Variants in TARS1 observed in about 807,000 individuals in gnomAD.
The protein encoded by TARS1 is threonyl-tRNA synthetase 1, also known as threonine--tRNA ligase 1, cytoplasmic.
Under a neutral mutation model 97.7 loss-of-function variants are expected in TARS1, and 57 were observed. The observed-to-expected ratio is 0.58, with a 90% CI of 0.47 to 0.73. The LOEUF (loss-of-function observed/expected upper bound fraction) is 0.73. TARS1 is among the 30% of genes least tolerant of loss of function. TARS1 has a pLI of 0.00. For missense variants in TARS1, 806 were observed against 888.3 expected (o/e 0.91, Z 1.18); for synonymous variants, 312 against 293.7 (o/e 1.06, Z -0.64).
At chr5:33,464,919 A>G (rs1190093720) in intron 17 of TARS1, among the ~76,000 whole-genome samples, 1 of 152,082 alleles carries the variant, frequency 6.6e-6, no homozygotes, top group East Asian at 1.9e-4. Flanking sequence ...ACAAAAAATT[A>G]GCTGGGCGCA....
intron 13 of TARS1, 147 bp downstream of exon 13, chr5:33,461,442 A>G: frequency 8.1e-7 from 1 of 1,234,832 alleles, no homozygotes; most frequent in Non-Finnish European, 1.1e-6. Context: ...TTTTTTCTTT[A>G]TGATTGTGTA....
chr5:33,459,277 A>G (rs892149528), intron 10 of TARS1, among the ~76,000 whole-genome samples: 6 of 152,094 alleles, frequency 3.9e-5, no homozygotes, highest in African/African-American at 1.4e-4. Context: ...TATCTAGCCC[A>G]TGTATTTGTA....
At chr5:33,456,696 T>A (rs959351954) in intron 8 of TARS1, among the ~76,000 whole-genome samples, 4 of 152,254 alleles carry the variant, frequency 2.6e-5, no homozygotes, top group African/African-American at 9.6e-5. Flanking sequence ...CTATTTTTGC[T>A]CATTTTGTGA....
chr5:33,440,929 C>A, upstream of TARS1: 1 of 757,946 alleles, frequency 1.3e-6, no homozygotes, highest in Non-Finnish European at 2.1e-6. Flanking sequence ...GCTGCTCGTT[C>A]CGCCGCAAGT....
intron 2 of TARS1, among the ~76,000 whole-genome samples, chr5:33,447,298 G>A (rs1325499849): frequency 6.6e-6 from 1 of 152,188 alleles, no homozygotes; most frequent in Non-Finnish European, 1.5e-5. Flanking sequence ...CCAGGTTGGA[G>A]TGCAGTGGCC....
chr5:33,463,390 A>G (rs924256455), intron 16 of TARS1, among the ~76,000 whole-genome samples: 1 of 152,232 alleles, frequency 6.6e-6, no homozygotes, highest in East Asian at 1.9e-4. Flanking sequence ...AAAATGAACA[A>G]TTAATCACTA....
At chr5:33,463,920 G>T in intron 17 of TARS1, 95 bp downstream of exon 17, 1 of 1,055,146 alleles carries the variant, frequency 9.5e-7, no homozygotes, top group Non-Finnish European at 1.4e-6. Context: ...TCGAGCTGTT[G>T]TGATAAAGAG....
intron 2 of TARS1, chr5:33,446,736 C>G: frequency 1.6e-6 from 2 of 1,289,254 alleles, no homozygotes; most frequent in Non-Finnish European, 2.0e-6. Flanking sequence ...TGATGATAAA[C>G]TGCAGTTAAG....
Position 33,443,325 on chromosome 5 carries a change from CTCT to C in TARS1, c.58-1998_58-1996del, listed in dbSNP as rs1741225026. On this transcript the variant is annotated intron_variant, in intron 1 of 18. Transcript: ENST00000265112. ...TGATTCCCTCTCTCTCTCTCCCTCT[CTCT>C]CTCTCTCTCTCTCTCTCTCTCTCTC... 2.0e-4 allele frequency among the ~76,000 whole-genome samples: 15 copies of C among 75,084 alleles called. 1 individual carries two copies. Among genetic ancestry groups the C allele is most frequent in the Admixed American group, 1.8e-3 (15 of 8,240 alleles). 49.3% of individuals were successfully genotyped at this position (75,084 alleles called of 152,430 possible).
rs181059120 is a variant in TARS1, at chr5:33,442,495, C to G, written c.57+1352C>G. Among the ~76,000 whole-genome samples, 4 of 152,126 alleles carry G rather than the reference C, an allele frequency of 2.6e-5. No individual in the cohort carries two copies. The East Asian group carries it at 7.7e-4, about 29-fold the overall frequency. Reference sequence around the variant, plus strand: ...TAATATTTATTTTGAGTACTAAATACGAGTTTGGCACTGTATTAATGCATT... The same window carrying G: ...TAATATTTATTTTGAGTACTAAATAGGAGTTTGGCACTGTATTAATGCATT... On this transcript the variant is annotated intron_variant, in intron 1 of 18. Transcript: ENST00000265112.
intron 2 of TARS1, 41 bp downstream of exon 2, chr5:33,445,445 G>T: frequency 6.3e-7 from 1 of 1,577,236 alleles, no homozygotes; most frequent in East Asian, 2.2e-5. Context: ...ATCAGAGGTT[G>T]GCAAATCGCA....
chr5:33,467,452 G>A (rs1243406443), intron 18 of TARS1, 108 bp from the exon 19 acceptor site: 33 of 1,243,306 alleles, frequency 2.7e-5, no homozygotes, highest in Non-Finnish European at 3.5e-5. Flanking sequence ...TGTATCAGAA[G>A]CTATGGGGTA....
intron 16 of TARS1, 33 bp from the exon 17 acceptor site, chr5:33,463,720 A>T: frequency 1.3e-6 from 2 of 1,580,456 alleles, no homozygotes; most frequent in Non-Finnish European, 1.7e-6. Context: ...ATATGCCCAC[A>T]TCTACACTGA....
chr5:33,455,766 T>G (rs1741983862), intron 6 of TARS1, 62 bp downstream of exon 6: 2 of 1,201,544 alleles, frequency 1.7e-6, no homozygotes, highest in Non-Finnish European at 1.2e-6. Context: ...TTAGTTGAAG[T>G]GACACCACTG....
rs200101297 is a variant in TARS1 at position 33,458,643 on chromosome 5, T to C, written c.1062T>C (p.Asn354=). 38 of 1,613,260 alleles carry C rather than the reference T, an allele frequency of 2.4e-5. No homozygotes were observed. In the East Asian group the frequency reaches 4.2e-4, roughly 18 times the overall value. The change falls in exon 10 of 19, where the codon AAT becomes AAC. Residue 354 remains asparagine (N), a synonymous_variant. Transcript: ENST00000265112. ...TGCCAAAAGGAGCCTACATTTATAA[T>C]GCACTTATTGAATTCATTAGGGTAA... ...FFLPKGAYIY[N]ALIEFIRSEY... is the part of the protein sequence containing the mutation.
intron 4 of TARS1, 46 bp from the exon 5 acceptor site, chr5:33,454,899 T>A: frequency 6.3e-7 from 1 of 1,592,468 alleles, no homozygotes. Context: ...AATTGGCAAC[T>A]TGTATGCCAA....
chr5:33,455,148 G>A, intron 5 of TARS1, 82 bp downstream of exon 5: 1 of 1,535,288 alleles, frequency 6.5e-7, no homozygotes, highest in East Asian at 2.3e-5. Context: ...CAGTAAGGGA[G>A]GAATGATATA....
At chr5:33,454,861 T>A (rs537909592) in intron 4 of TARS1, 84 bp from the exon 5 acceptor site, 1 of 1,501,920 alleles carries the variant, frequency 6.7e-7, no homozygotes, top group South Asian at 1.3e-5. Flanking sequence ...GTAAATATTA[T>A]CATCTGTCTC....
At chr5:33,460,063 C>G in intron 11 of TARS1, 1 of 485,162 alleles carries the variant, frequency 2.1e-6, no homozygotes, top group South Asian at 3.6e-5. Flanking sequence ...GGTCTTCCAA[C>G]TGGAGTGCAG....
Sources: gnomAD v4.1 joint callset for allele counts (sites outside exome capture counted in the v4.1 genomes callset) on GRCh38, gnomAD v4.1.1 for gene constraint, MANE v1.5 for transcripts, NCBI Gene and HGNC (gene_info 2026-07-23, HGNC 2026-07-21) for gene names.